Variants in NUP107 observed in about 807,000 individuals in gnomAD.
NUP107 encodes the protein nuclear pore complex protein Nup107.
Under a neutral mutation model 141.0 loss-of-function variants are expected in NUP107, and 101 were observed. The observed-to-expected ratio is 0.72, with a 90% CI of 0.61 to 0.84. The LOEUF (loss-of-function observed/expected upper bound fraction) is 0.84, where lower values mean the gene tolerates loss of function less well. NUP107 is among the 40% of genes least tolerant of loss of function. The pLI is 0.00. For missense variants in NUP107, 941 were observed against 1,102.7 expected, an observed-to-expected ratio of 0.85 and a Z score of 2.08; for synonymous variants, 319 against 363.9, an observed-to-expected ratio of 0.88 and a Z score of 1.41.
At chr12:68,740,231 A>C (rs1878268513) in intron 26 of NUP107, 1 of 152,224 alleles carries the variant, frequency 6.6e-6, no homozygotes, top group Admixed American at 6.5e-5. Context: ...GAAAGACTAC[A>C]TTGGAGCACA....
At chr12:68,711,552 A>G (rs1876860480) in intron 10 of NUP107, among the ~76,000 whole-genome samples, 1 of 149,086 alleles carries the variant, frequency 6.7e-6, no homozygotes, top group African/African-American at 2.4e-5. Flanking sequence ...AAAAAAAAGG[A>G]TTAGAATTAA....
chr12:68,715,951 T>A (rs1341936956), intron 12 of NUP107, among the ~76,000 whole-genome samples: 1 of 152,246 alleles, frequency 6.6e-6, no homozygotes, highest in Non-Finnish European at 1.5e-5. Flanking sequence ...CTCTAATTAA[T>A]AGAAAATTAT....
chr12:68,709,895 A>T, intron 9 of NUP107, 110 bp from the exon 10 acceptor site: 1 of 649,088 alleles, frequency 1.5e-6, no homozygotes, highest in Non-Finnish European at 2.6e-6. Context: ...TCTCAAAAAA[A>T]AAAATAAAAA....
At position 68,742,514 on chromosome 12, in the gene NUP107, A is replaced by T. The variant is rs1048081606; in HGVS notation, c.*52A>T. 1.0e-6 allele frequency: 1 copy of T among 959,690 alleles called. No individual in the cohort carries two copies. Among genetic ancestry groups the T allele is most frequent in the Non-Finnish European group, 1.6e-6 (1 of 637,960 alleles). The allele number at this position is 959,690 out of a possible 1,614,324, so 59.4% of individuals were successfully genotyped here. A position where few individuals can be genotyped will look rare whatever the true frequency, so the allele number is the denominator to read the frequency against. On this transcript the variant is annotated 3_prime_UTR_variant, in exon 28 of 28. Transcript: ENST00000229179. The stretch of plus-strand genomic sequence containing the variant: ...TCATGATAAATGAAGTTTTTAATAA[A>T]ATATACTTGTTATTAGTAATTTTTT...
At chr12:68,699,803 A>C (rs1162362735) in intron 6 of NUP107, among the ~76,000 whole-genome samples, 2 of 152,214 alleles carry the variant, frequency 1.3e-5, no homozygotes, top group Non-Finnish European at 2.9e-5. Flanking sequence ...TGGGTCGTTA[A>C]ACCTCCTGAT....
intron 9 of NUP107, 145 bp downstream of exon 9, chr12:68,709,454 G>A (rs1876744990): frequency 2.0e-6 from 1 of 507,582 alleles, no homozygotes; most frequent in African/African-American, 2.0e-5. Flanking sequence ...AAAGGAATTA[G>A]AAACCTTATT....
chr12:68,701,644 A>C (rs1876334758), intron 7 of NUP107, among the ~76,000 whole-genome samples: 1 of 151,908 alleles, frequency 6.6e-6, no homozygotes, highest in Non-Finnish European at 1.5e-5. Flanking sequence ...GTGCTACTGC[A>C]CTCCAGCCTG....
At chr12:68,692,192 C>G in intron 5 of NUP107, 80 bp downstream of exon 5, 1 of 1,321,212 alleles carries the variant, frequency 7.6e-7, no homozygotes, top group Non-Finnish European at 1.0e-6. Context: ...TGTTTCTGAA[C>G]GTCATTATGT....
intron 7 of NUP107, 52 bp downstream of exon 7, chr12:68,700,905 C>G: frequency 2.8e-6 from 4 of 1,450,296 alleles, no homozygotes; most frequent in Non-Finnish European, 3.7e-6. Context: ...AATAAACCAA[C>G]AGGCAAATTA....
rs749466956 is a variant in NUP107, at chr12:68,725,687, T to A, written c.1507-40T>A. ...CAGTGAATATATACTACAGAATGAC[T>A]GCTAGAAGATTTATGGAAAATTAAA... On this transcript the variant is annotated intron_variant, in intron 17 of 27. Transcript: ENST00000229179. 9 of 1,001,708 alleles carry A rather than the reference T, an allele frequency of 9.0e-6. No individual in the cohort carries two copies. In the East Asian group the frequency reaches 1.9e-4, roughly 21 times the overall value. The allele number at this position is 1,001,708 out of a possible 1,614,324, so 62.1% of individuals were successfully genotyped here. A position where few individuals can be genotyped will look rare whatever the true frequency, so the allele number is the denominator to read the frequency against.
intron 8 of NUP107, 49 bp from the exon 9 acceptor site, chr12:68,709,189 C>T: frequency 8.4e-7 from 1 of 1,183,534 alleles, no homozygotes; most frequent in Non-Finnish European, 1.2e-6. Flanking sequence ...TATTTCTTAA[C>T]AGCATCTTCT....
At chr12:68,725,881 G>T in intron 18 of NUP107, 85 bp downstream of exon 18, 1 of 688,620 alleles carries the variant, frequency 1.5e-6, no homozygotes, top group Non-Finnish European at 2.4e-6. Flanking sequence ...CTGTTGCCCA[G>T]ACTGGAGTGC....
intron 8 of NUP107, among the ~76,000 whole-genome samples, chr12:68,704,272 A>G (rs1200644873): frequency 1.3e-5 from 2 of 152,140 alleles, no homozygotes; most frequent in South Asian, 2.1e-4. Flanking sequence ...GGGAAGAAAC[A>G]TGCAAATAGC....
rs1365800516 is a variant in NUP107, at chr12:68,744,552, T to G, written c.*2090T>G. 1 of 152,086 alleles carries G rather than the reference T, an allele frequency of 6.6e-6. No homozygotes were observed. The highest frequency in any genetic ancestry group is 1.5e-5 in the Non-Finnish European group (1 of 68,038). The allele number at this position is 152,086 out of a possible 1,614,324, so 9.4% of individuals were successfully genotyped here. On this transcript the variant is annotated 3_prime_UTR_variant, in exon 28 of 28. Coordinates refer to ENST00000229179, the MANE Select transcript of NUP107 (RefSeq NM_020401.4). The stretch of plus-strand genomic sequence containing the variant: ...GCGCCTGCCACCACGCCTGGCTAAT[T>G]TTTGTATTTTTAGTAGAGACGGGGT...
At position 68,742,462 on chromosome 12, in the gene NUP107, G is replaced by A. The variant is rs750282064; in HGVS notation, c.2778G>A (p.Ter926=). 1 of 1,482,666 alleles carries A rather than the reference G, an allele frequency of 6.7e-7. No homozygotes were observed. The highest frequency in any genetic ancestry group is 9.2e-7 in the Non-Finnish European group (1 of 1,081,352). 91.8% of individuals were successfully genotyped at this position (1,482,666 alleles called of 1,614,324 possible). ...LDPLGYEIQL[*] ...CATTAGGGTATGAAATTCAGTTATA[G>A]TTTAATCTTTGTAATCTCACTAATT... Residue 926 remains the stop codon, a stop_retained_variant, in exon 28 of 28, where the codon TAG becomes TAA. Coordinates refer to ENST00000229179, the MANE Select transcript of NUP107 (RefSeq NM_020401.4).
chr12:68,701,722 G>GT, intron 7 of NUP107, among the ~76,000 whole-genome samples: 1 of 152,036 alleles, frequency 6.6e-6, no homozygotes, highest in Non-Finnish European at 1.5e-5. Flanking sequence ...ATAACCATTT[G>GT]TGTATATTCA....
rs1877921268 is a variant in NUP107, at chr12:68,733,320, CTTTAA to C, written c.2102-131_2102-127del. 7.0e-6 allele frequency: 5 copies of C among 711,950 alleles called. No homozygotes were observed. In the East Asian group the frequency reaches 1.4e-4, roughly 20 times the overall value. The allele number at this position is 711,950 out of a possible 1,614,324, so 44.1% of individuals were successfully genotyped here. On this transcript the variant is annotated intron_variant, in intron 23 of 27. Transcript: ENST00000229179. ...TATCAGGTAGAAAGATCACCAAGAC[CTTTAA>C]CAGAGTGCCTTGGGCCCTGAAATAG...
chr12:68,738,301 T>G, intron 26 of NUP107, among the ~76,000 whole-genome samples: 1 of 150,100 alleles, frequency 6.7e-6, no homozygotes, highest in Non-Finnish European at 1.5e-5. Flanking sequence ...ATACAAAAAA[T>G]TAGCCGGGTG....
chr12:68,733,728 A>T, intron 24 of NUP107, 116 bp downstream of exon 24: 1 of 994,438 alleles, frequency 1.0e-6, no homozygotes, highest in South Asian at 1.6e-5. Flanking sequence ...CTCTCTTGTG[A>T]CTATAGTGCT....
Sources: gnomAD v4.1 joint callset for allele counts (sites outside exome capture counted in the v4.1 genomes callset) on GRCh38, gnomAD v4.1.1 for gene constraint, MANE v1.5 for transcripts, NCBI Gene and HGNC (gene_info 2026-07-23, HGNC 2026-07-21) for gene names.